ENOX1: variants seen among roughly 807,000 people sequenced by gnomAD.
ENOX1 encodes candidate growth-related and time keeping constitutive hydroquinone (NADH) oxidase.
Under a neutral mutation model 82.5 loss-of-function variants are expected in ENOX1, and 42 were observed. That is an observed-to-expected ratio of 0.51 (90% CI 0.40 to 0.66). The LOEUF (loss-of-function observed/expected upper bound fraction) is 0.66, where lower values mean the gene tolerates loss of function less well. Ranked by LOEUF, ENOX1 falls within the 30% of genes least tolerant of loss-of-function variation. The probability of loss-of-function intolerance (pLI) is 0.00; values close to 1 mark genes in which losing one functional copy is unlikely to be tolerated. For missense variants in ENOX1, 608 were observed against 811.6 expected (o/e 0.75, Z 3.05); for synonymous variants, 271 against 282.2 (o/e 0.96, Z 0.40).
intron 2 of ENOX1, among the ~76,000 whole-genome samples, chr13:43,613,014 T>C (rs1024742361): frequency 6.6e-6 from 1 of 152,194 alleles, no homozygotes; most frequent in African/African-American, 2.4e-5. Flanking sequence ...TGCATGTTTA[T>C]TAGCTCAATT....
At chr13:43,577,897 AG>A in intron 2 of ENOX1, among the ~76,000 whole-genome samples, 1 of 152,278 alleles carries the variant, frequency 6.6e-6, no homozygotes, top group South Asian at 2.1e-4. Flanking sequence ...TAGAGAGTAA[AG>A]CCTGAATCTT....
At chr13:43,666,226 A>G (rs972162310) in intron 2 of ENOX1, among the ~76,000 whole-genome samples, 5 of 152,136 alleles carry the variant, frequency 3.3e-5, no homozygotes, top group Non-Finnish European at 4.4e-5. Context: ...GTAAAAAAAC[A>G]TAGTATCTGC....
intron 1 of ENOX1, among the ~76,000 whole-genome samples, chr13:43,687,298 T>C (rs2086125264): frequency 6.6e-6 from 1 of 152,222 alleles, no homozygotes; most frequent in South Asian, 2.1e-4. Context: ...AAAGTAATGT[T>C]CTTTTTCCTC....
At chr13:43,706,147 T>C (rs1027115517) in intron 1 of ENOX1, among the ~76,000 whole-genome samples, 14 of 151,890 alleles carry the variant, frequency 9.2e-5, no homozygotes, top group African/African-American at 2.9e-4. Flanking sequence ...AAGGCAATGC[T>C]TAGAAAAAAA....
intron 1 of ENOX1, among the ~76,000 whole-genome samples, chr13:43,779,227 T>C (rs969138737): frequency 6.6e-6 from 1 of 151,014 alleles, no homozygotes; most frequent in Non-Finnish European, 1.5e-5. Context: ...ATATCTTACG[T>C]TGAAGAAGCC....
intron 5 of ENOX1, among the ~76,000 whole-genome samples, chr13:43,389,787 C>A (rs1197691046): frequency 6.6e-6 from 1 of 152,168 alleles, no homozygotes; most frequent in African/African-American, 2.4e-5. Context: ...ATACAGTCAT[C>A]TTGTTTAAGT....
chr13:43,455,309 T>G (rs191088523), intron 3 of ENOX1, among the ~76,000 whole-genome samples: 1 of 152,226 alleles, frequency 6.6e-6, no homozygotes, highest in Admixed American at 6.5e-5. Context: ...TTACCAGGTA[T>G]GATCTTTTAC....
intron 3 of ENOX1, among the ~76,000 whole-genome samples, chr13:43,415,264 T>C (rs1404385118): frequency 5.2e-5 from 7 of 135,520 alleles, no homozygotes; most frequent in African/African-American, 1.6e-4. Flanking sequence ...TTTTTTAGTA[T>C]TTATTGATCA....
At chr13:43,655,733 C>T (rs1266090493) in intron 2 of ENOX1, among the ~76,000 whole-genome samples, 2 of 152,132 alleles carry the variant, frequency 1.3e-5, no homozygotes. Context: ...CCCCACACTC[C>T]CTTGCTCTCC....
chr13:43,649,937 C>T (rs1456976283), intron 2 of ENOX1, among the ~76,000 whole-genome samples: 1 of 152,210 alleles, frequency 6.6e-6, no homozygotes, highest in Non-Finnish European at 1.5e-5. Context: ...GACAGTCAGA[C>T]TTATGGCCTG....
At chr13:43,375,065 A>C (rs1169796690) in intron 5 of ENOX1, among the ~76,000 whole-genome samples, 1 of 152,216 alleles carries the variant, frequency 6.6e-6, no homozygotes, top group East Asian at 1.9e-4. Flanking sequence ...GCAATTTACA[A>C]ACAAGCAATC....
intron 2 of ENOX1, among the ~76,000 whole-genome samples, chr13:43,505,521 T>C (rs1269022205): frequency 1.3e-5 from 2 of 152,018 alleles, no homozygotes; most frequent in Non-Finnish European, 2.9e-5. Context: ...GTTGGAAAGA[T>C]AAAGAAGTCT....
At position 43,269,591 on chromosome 13, in the gene ENOX1, G is replaced by A; in HGVS notation, c.1447-14C>T. The A allele has an allele frequency of 6.3e-7, 1 of 1,598,790 alleles. No individual in the cohort carries two copies. The highest frequency in any genetic ancestry group is 1.1e-5 in the South Asian group (1 of 90,788). ...GGTTAGCAATTGCTGTGAAATTAAA[G>A]GATATTTAGCATAAGTAGGATTGAA... On this transcript the variant is annotated splice_polypyrimidine_tract_variant and intron_variant, in intron 12 of 16. Transcript: ENST00000690772.
intron 2 of ENOX1, among the ~76,000 whole-genome samples, chr13:43,601,849 C>A (rs1055742756): frequency 3.9e-5 from 6 of 152,004 alleles, no homozygotes; most frequent in East Asian, 3.9e-4. Flanking sequence ...CGTCTGCTGG[C>A]AAACTTCTCA....
intron 11 of ENOX1, among the ~76,000 whole-genome samples, chr13:43,309,352 C>T (rs1361828653): frequency 2.0e-5 from 3 of 152,008 alleles, no homozygotes; most frequent in African/African-American, 7.2e-5. Context: ...TACTCACTGA[C>T]TCTAAACTCC....
chr13:43,538,805 A>G (rs1179308449), intron 2 of ENOX1, among the ~76,000 whole-genome samples: 3 of 129,050 alleles, frequency 2.3e-5, no homozygotes, highest in Non-Finnish European at 4.8e-5. Flanking sequence ...AGACTTCTCA[A>G]GAAAACATTT....
At chr13:43,563,582 A>C (rs925176251) in intron 2 of ENOX1, among the ~76,000 whole-genome samples, 1 of 152,130 alleles carries the variant, frequency 6.6e-6, no homozygotes, top group African/African-American at 2.4e-5. Flanking sequence ...GACTGATGAA[A>C]TGAAAAGTTG....
chr13:43,228,269 G>A (rs1468687030), intron 15 of ENOX1, among the ~76,000 whole-genome samples: 5 of 152,098 alleles, frequency 3.3e-5, no homozygotes, highest in Non-Finnish European at 7.3e-5. Context: ...ACTAGGAATG[G>A]AGGGTGGTGG....
chr13:43,534,166 T>C (rs945097890), intron 2 of ENOX1, among the ~76,000 whole-genome samples: 1 of 152,040 alleles, frequency 6.6e-6, no homozygotes, highest in Non-Finnish European at 1.5e-5. Context: ...CTTTAGATCC[T>C]CAAGAAATAA....
Sources: allele counts gnomAD v4.1 joint callset (sites outside exome capture counted in the v4.1 genomes callset), GRCh38; gene constraint gnomAD v4.1.1; transcripts MANE v1.5; gene names NCBI Gene and HGNC (gene_info 2026-07-23, HGNC 2026-07-21).